DNA2: variants seen among roughly 807,000 people sequenced by gnomAD.
DNA2 encodes the protein DNA replication ATP-dependent helicase/nuclease DNA2.
A neutral mutation model predicts 119.1 loss-of-function variants in DNA2; 101 were observed. That is an observed-to-expected ratio of 0.85 (90% confidence interval 0.72 to 1.00). The LOEUF is 1.00. Ranked by LOEUF, DNA2 falls within the 50% of genes least tolerant of loss-of-function variation. The probability of loss-of-function intolerance (pLI) is 0.00; values close to 1 mark genes in which losing one functional copy is unlikely to be tolerated. For synonymous variants in DNA2, 366 were observed against 424.4 expected (o/e 0.86, Z 1.69); for missense variants, 1,121 against 1,255.5 (o/e 0.89, Z 1.62).
At chr10:68,420,857 CAT>C (rs1268443937) in intron 17 of DNA2, among the ~76,000 whole-genome samples, 1 of 152,082 alleles carries the variant, frequency 6.6e-6, no homozygotes, top group African/African-American at 2.4e-5. Context: ...TCTTCATGTG[CAT>C]ATGTGGGGGA....
At position 68,419,944 on chromosome 10, in the gene DNA2, A is replaced by G. The variant is rs538054778; in HGVS notation, c.2698-52T>C. 1.1e-5 allele frequency: 16 copies of G among 1,478,112 alleles called. No individual in the cohort carries two copies. The East Asian group carries it at 1.1e-4, about 10-fold the overall frequency. 91.6% of individuals were successfully genotyped at this position (1,478,112 alleles called of 1,614,324 possible). A position where few individuals can be genotyped will look rare whatever the true frequency, so the allele number is the denominator to read the frequency against. ...GATAATACAATCTCTAAAGAGTACT[A>G]TAAGTACGCAACTGGCCATAAAGAC... On this transcript the variant is annotated intron_variant, in intron 17 of 20. Coordinates refer to ENST00000358410, the MANE Select transcript of DNA2 (RefSeq NM_001080449.3).
Position 68,459,171 on chromosome 10 carries a change from A to G in DNA2, c.652T>C (p.Cys218Arg). 1 of 1,585,662 alleles carries G rather than the reference A, an allele frequency of 6.3e-7. No homozygotes were observed. The highest frequency in any genetic ancestry group is 8.6e-7 in the Non-Finnish European group (1 of 1,164,618). The change falls in exon 5 of 21, where the codon TGT (cysteine) becomes CGT (arginine). Residue 218 changes from cysteine to arginine, a missense_variant. Coordinates refer to ENST00000358410, the MANE Select transcript of DNA2 (RefSeq NM_001080449.3). ...TGCATGAAATCTCCTGCCCATTTAC[A>G]AAACGAAGGAAGATAGTCCTCTACT... ...QEVEDYLPSF[C>R]KWAGDFMHKN...
At chr10:68,417,923 G>A (rs1259493384) in intron 19 of DNA2, among the ~76,000 whole-genome samples, 1 of 152,202 alleles carries the variant, frequency 6.6e-6, no homozygotes, top group Admixed American at 6.6e-5. Flanking sequence ...AATGCTGTAC[G>A]ATTCTACTTA....
At chr10:68,462,352 C>G (rs144105389) in intron 4 of DNA2, among the ~76,000 whole-genome samples, 3,377 of 152,234 alleles carry the variant, frequency 0.022, 123 homozygotes, top group African/African-American at 0.077. Context: ...GCCTGGGTGA[C>G]AGAGCAAGAC....
At chr10:68,439,238 T>C (rs955655765) in intron 9 of DNA2, among the ~76,000 whole-genome samples, 5 of 149,780 alleles carry the variant, frequency 3.3e-5, no homozygotes, top group African/African-American at 7.4e-5. Context: ...CTACTAAAAA[T>C]ACAAAATTAG....
chr10:68,442,875 T>C, intron 9 of DNA2, 42 bp downstream of exon 9: 1 of 1,518,948 alleles, frequency 6.6e-7, no homozygotes, highest in Non-Finnish European at 8.9e-7. Flanking sequence ...CATTCACTAA[T>C]CCAAACTACT....
intron 9 of DNA2, among the ~76,000 whole-genome samples, chr10:68,437,786 C>T (rs766115405): frequency 6.6e-6 from 1 of 152,062 alleles, no homozygotes; most frequent in Non-Finnish European, 1.5e-5. Context: ...TTTTTTGAGA[C>T]ACCCTCCGAC....
chr10:68,458,497 G>A (rs1273533428), intron 5 of DNA2, among the ~76,000 whole-genome samples: 1 of 148,734 alleles, frequency 6.7e-6, no homozygotes, highest in African/African-American at 2.5e-5. Flanking sequence ...TCATGCCACT[G>A]CACTCCAGCC....
intron 9 of DNA2, 96 bp from the exon 10 acceptor site, chr10:68,437,337 C>T: frequency 9.2e-7 from 1 of 1,086,964 alleles, no homozygotes; most frequent in Non-Finnish European, 1.3e-6. Flanking sequence ...CATCTGACTC[C>T]TAAAAATTAT....
intron 14 of DNA2, among the ~76,000 whole-genome samples, chr10:68,428,205 T>C (rs912870197): frequency 2.0e-5 from 3 of 151,818 alleles, no homozygotes; most frequent in African/African-American, 7.3e-5. Flanking sequence ...CAGGCGCCTG[T>C]AGTCCCAGCT....
intron 9 of DNA2, among the ~76,000 whole-genome samples, chr10:68,442,405 T>C (rs1017298544): frequency 4.7e-5 from 7 of 148,396 alleles, no homozygotes; most frequent in African/African-American, 1.7e-4. Context: ...TTTGTTTTTT[T>C]GTGACAGTTT....
chr10:68,424,500 T>C (rs1197408419), intron 14 of DNA2: 2 of 596,736 alleles, frequency 3.4e-6, no homozygotes, highest in Non-Finnish European at 3.0e-6. Context: ...TGAGTCACTG[T>C]CTCAAAAAAA....
chr10:68,467,258 GCAC>G (rs1422908976), intron 3 of DNA2, among the ~76,000 whole-genome samples: 3 of 151,662 alleles, frequency 2.0e-5, no homozygotes, highest in African/African-American at 7.3e-5. Context: ...TTACAGGCGC[GCAC>G]CACAACGCCC....
Position 68,432,238 on chromosome 10 carries a change from T to A in DNA2, c.1841A>T (p.Asp614Val). 6.2e-7 allele frequency: 1 copy of A among 1,604,842 alleles called. No homozygotes were observed. Among genetic ancestry groups the A allele is most frequent in the Non-Finnish European group, 8.5e-7 (1 of 1,175,758 alleles). Residue 614 changes from aspartate (D) to valine (V), a missense_variant, in exon 12 of 21, where the codon GAT becomes GTT. Physicochemically the swap from Asp to Val is radical, Grantham distance 152. Coordinates refer to ENST00000358410, the MANE Select transcript of DNA2 (RefSeq NM_001080449.3). Reference sequence around the variant, plus strand: ...AATGCAGGCAACTGTATCCTTTGCATCATGTGGAAGAACAGAACTAAGGTA... The same window carrying A: ...AATGCAGGCAACTGTATCCTTTGCAACATGTGGAAGAACAGAACTAAGGTA... Reference protein sequence around the residue: ...ISYLSSVLPHDAKDTVACILK... With the variant: ...ISYLSSVLPHVAKDTVACILK...
rs1360161446 is a variant in DNA2, at chr10:68,449,784, G to C, written c.939+244C>G. Among the ~76,000 whole-genome samples the C allele has an allele frequency of 5.9e-5, 9 of 151,834 alleles. No individual in the cohort carries two copies. In the East Asian group the frequency reaches 1.7e-3, roughly 29 times the overall value. The stretch of plus-strand genomic sequence containing the variant: ...AAAAATTAGCTGGGCATGATGGTGA[G>C]GGCCTGTAATCCCAGCTACTCAGGA... On this transcript the variant is annotated intron_variant, in intron 6 of 20. Transcript: ENST00000358410.
In DNA2 at chr10:68,459,299, G is replaced by A. The variant is rs556391345; in HGVS notation, c.588-64C>T. 54 of 1,402,436 alleles carry A rather than the reference G, an allele frequency of 3.9e-5. No homozygotes were observed. The South Asian group carries it at 5.9e-4, about 15-fold the overall frequency. The allele number at this position is 1,402,436 out of a possible 1,614,324, so 86.9% of individuals were successfully genotyped here. ...CGGTACCTGCCAAAAATATGATAGCGAATATGAAAGTATAAATATGAGAAA... is the reference window on the plus strand; with the variant it reads ...CGGTACCTGCCAAAAATATGATAGCAAATATGAAAGTATAAATATGAGAAA... On this transcript the variant is annotated intron_variant, in intron 4 of 20. Transcript: ENST00000358410.
Position 68,450,047 on chromosome 10 carries a change from G to C in DNA2, c.920C>G (p.Ser307Cys), listed in dbSNP as rs947726243. The change falls in exon 6 of 21, where the codon TCT becomes TGT. Residue 307 changes from serine to cysteine, a missense_variant. Coordinates refer to ENST00000358410, the MANE Select transcript of DNA2 (RefSeq NM_001080449.3). The part of the protein sequence containing the change: ...LELKTGKESN[S>C]IEHRSQVVLY... ...TTATACCTGACTACGGTGTTCAATA[G>C]AATTTGATTCTTTGCCAGTTTTAAG... 1.7e-5 allele frequency: 27 copies of C among 1,587,804 alleles called. No homozygotes were observed. The highest frequency in any genetic ancestry group is 2.3e-5 in the Non-Finnish European group (27 of 1,164,782).
chr10:68,417,391 C>CG (rs756371217), intron 19 of DNA2, among the ~76,000 whole-genome samples: 2 of 77,504 alleles, frequency 2.6e-5, no homozygotes, highest in African/African-American at 1.1e-4. Context: ...ATAAGAAAAC[C>CG]AAAAAAAAAA....
At chr10:68,424,555 T>A in intron 14 of DNA2, 1 of 793,474 alleles carries the variant, frequency 1.3e-6, no homozygotes, top group Non-Finnish European at 2.2e-6. Context: ...AGCCGGAGCA[T>A]CACCATGAAG....
Sources: gnomAD v4.1 joint callset for allele counts (sites outside exome capture counted in the v4.1 genomes callset) on GRCh38, gnomAD v4.1.1 for gene constraint, MANE v1.5 for transcripts, NCBI Gene and HGNC (gene_info 2026-07-23, HGNC 2026-07-21) for gene names.